The following AMBRA1 variants were observed in gnomAD, a reference collection of about 807,000 sequenced individuals.
AMBRA1 encodes the protein autophagy and beclin 1 regulator 1.
In AMBRA1, 47 loss-of-function variants were observed where a neutral mutation model predicts 125.4. That is an observed-to-expected ratio of 0.37 (90% CI 0.30 to 0.48). The LOEUF is 0.48. AMBRA1 is among the 20% of genes least tolerant of loss of function. The probability of loss-of-function intolerance (pLI) is 0.99; values close to 1 mark genes in which losing one functional copy is unlikely to be tolerated. For synonymous variants in AMBRA1, 626 were observed against 655.5 expected (o/e 0.95, Z 0.69); for missense variants, 1,331 against 1,693.4 (o/e 0.79, Z 3.76).
intron 9 of AMBRA1, among the ~76,000 whole-genome samples, chr11:46,496,427 C>A (rs1950633323): frequency 6.6e-6 from 1 of 152,046 alleles, no homozygotes; most frequent in Admixed American, 6.6e-5. Context: ...AGAAAAGAAG[C>A]ATCATGGGTC....
chr11:46,398,531 C>A (rs1945565052), intron 17 of AMBRA1, among the ~76,000 whole-genome samples: 2 of 152,208 alleles, frequency 1.3e-5, no homozygotes, highest in African/African-American at 4.8e-5. Flanking sequence ...TTCACCCAGG[C>A]TGGAGTGCAG....
chr11:46,543,270 G>C lies in AMBRA1; in HGVS notation c.747C>G (p.Ser249=), dbSNP rs1298701426. The part of the protein sequence containing the change: ...LLHNFLHMLS[S]RSSGIQVGEQ... Reference sequence around the variant, plus strand: ...CTCCCACCTGGATGCCAGAAGAGCGGGAGGACAGCATGTGCAGGAAATTGT... The same window carrying C: ...CTCCCACCTGGATGCCAGAAGAGCGCGAGGACAGCATGTGCAGGAAATTGT... Residue 249 remains serine (S), a synonymous_variant, in exon 7 of 18, where the codon TCC becomes TCG. Transcript: ENST00000683756. 5.0e-6 allele frequency: 8 copies of C among 1,614,060 alleles called. No individual in the cohort carries two copies. Among genetic ancestry groups the C allele is most frequent in the Non-Finnish European group, 6.8e-6 (8 of 1,180,004 alleles).
At chr11:46,492,922 A>G (rs1002152552) in intron 11 of AMBRA1, among the ~76,000 whole-genome samples, 8 of 152,018 alleles carry the variant, frequency 5.3e-5, no homozygotes, top group African/African-American at 1.9e-4. Context: ...GGTGGCGGGC[A>G]CCTGTAGTCC....
At chr11:46,487,889 G>C (rs755308351) in intron 11 of AMBRA1, among the ~76,000 whole-genome samples, 1 of 151,938 alleles carries the variant, frequency 6.6e-6, no homozygotes, top group African/African-American at 2.4e-5. Context: ...TAAAAAACAA[G>C]CTCCAATCAT....
At chr11:46,552,479 G>A (rs530452016) in intron 1 of AMBRA1, among the ~76,000 whole-genome samples, 1 of 139,762 alleles carries the variant, frequency 7.2e-6, no homozygotes, top group African/African-American at 2.7e-5. Context: ...AAGTTCAAGA[G>A]ATCGAGACCA....
chr11:46,492,936 C>G (rs1475798125), intron 11 of AMBRA1, among the ~76,000 whole-genome samples: 1 of 152,220 alleles, frequency 6.6e-6, no homozygotes, highest in Non-Finnish European at 1.5e-5. Flanking sequence ...GTAGTCCTAG[C>G]TACTCGGGAG....
At chr11:46,435,724 T>C (rs1341149744) in intron 12 of AMBRA1, among the ~76,000 whole-genome samples, 1 of 152,240 alleles carries the variant, frequency 6.6e-6, no homozygotes, top group Non-Finnish European at 1.5e-5. Flanking sequence ...GTCTGCACTT[T>C]GCAGCTCCTG....
At chr11:46,419,436 T>A (rs1370719127) in intron 14 of AMBRA1, among the ~76,000 whole-genome samples, 1 of 152,126 alleles carries the variant, frequency 6.6e-6, no homozygotes, top group East Asian at 1.9e-4. Flanking sequence ...AACACATACA[T>A]TCAAATAATT....
At chr11:46,585,003 T>C (rs188026258) in intron 1 of AMBRA1, among the ~76,000 whole-genome samples, 3 of 151,490 alleles carry the variant, frequency 2.0e-5, no homozygotes, top group East Asian at 2.0e-4. Context: ...ACCTGGGAGG[T>C]AGAGGTTGCT....
chr11:46,445,071 C>CAAAAAAAAAAAAAAAA (rs11386442), intron 11 of AMBRA1, among the ~76,000 whole-genome samples: 6 of 89,792 alleles, frequency 6.7e-5, no homozygotes, highest in Admixed American at 1.1e-4. Flanking sequence ...AAAAGAAAAA[C>CAAAAAAAAAAAAAAAA]AAAAAAAAAA....
At chr11:46,443,681 G>C in intron 11 of AMBRA1, 83 bp from the exon 12 acceptor site, 1 of 1,179,676 alleles carries the variant, frequency 8.5e-7, no homozygotes, top group African/African-American at 1.5e-5. Context: ...ACTGGGATTA[G>C]TAGTGGGGAG....
Position 46,494,169 on chromosome 11 carries a change from C to A in AMBRA1, c.2375G>T (p.Arg792Leu). The A allele has an allele frequency of 6.2e-7, 1 of 1,605,614 alleles. No homozygotes were observed. The highest frequency in any genetic ancestry group is 8.5e-7 in the Non-Finnish European group (1 of 1,175,782). ...CGAAGGTGCAGACATCCGGGCATTG[C>A]GTGGAGCTCGGTGCCTGGATCTGTC... is the stretch of plus-strand genomic sequence containing the variant. ...NGDRSRHRAPRNARMSAPSLG... is the reference protein window; with the variant it reads ...NGDRSRHRAPLNARMSAPSLG... Residue 792 changes from arginine to leucine, a missense_variant, in exon 10 of 18, where the codon CGC becomes CTC. Physicochemically the swap from Arg to Leu is moderately radical, Grantham distance 102. Around this residue, in one of 4 missense-constraint regions of AMBRA1, gnomAD observed 689 missense variants for 776.5 expected, o/e 0.89. Coordinates refer to ENST00000683756, the MANE Select transcript of AMBRA1 (RefSeq NM_001387011.1).
chr11:46,590,027 A>C (rs1431813414), intron 1 of AMBRA1, among the ~76,000 whole-genome samples: 5 of 152,136 alleles, frequency 3.3e-5, no homozygotes, highest in African/African-American at 1.2e-4. Flanking sequence ...TCAAAACAAA[A>C]GTTTTATAAG....
intron 9 of AMBRA1, among the ~76,000 whole-genome samples, chr11:46,498,518 C>T (rs1950720541): frequency 6.6e-6 from 1 of 152,082 alleles, no homozygotes; most frequent in African/African-American, 2.4e-5. Flanking sequence ...AAAAAAACAC[C>T]CTTCAAACAA....
chr11:46,496,070 C>T (rs1950618894), intron 9 of AMBRA1, among the ~76,000 whole-genome samples: 1 of 152,018 alleles, frequency 6.6e-6, no homozygotes, highest in Non-Finnish European at 1.5e-5. Flanking sequence ...ACTCTCATCT[C>T]TTTAAAGAAA....
At chr11:46,585,695 A>AATATATATATAT (rs1555017409) in intron 1 of AMBRA1, among the ~76,000 whole-genome samples, 403 of 22,844 alleles carry the variant, frequency 0.018, 18 homozygotes, top group Middle Eastern at 0.045. Context: ...AAAAAAAAAA[A>AATATATATATAT]ATATATATAT....
At chr11:46,406,894 A>C (rs1249594640) in intron 17 of AMBRA1, among the ~76,000 whole-genome samples, 3 of 140,108 alleles carry the variant, frequency 2.1e-5, no homozygotes, top group Admixed American at 1.5e-4. Context: ...AAAAATAAAA[A>C]AACAGGCCAG....
At chr11:46,473,833 G>A (rs1447442480) in intron 11 of AMBRA1, among the ~76,000 whole-genome samples, 2 of 152,292 alleles carry the variant, frequency 1.3e-5, no homozygotes, top group Non-Finnish European at 2.9e-5. Context: ...TGTATTTTTA[G>A]TGGAGACGGT....
intron 16 of AMBRA1, 109 bp from the exon 17 acceptor site, chr11:46,408,815 A>T: frequency 9.5e-7 from 1 of 1,054,640 alleles, no homozygotes; most frequent in Non-Finnish European, 1.3e-6. Context: ...CAGGCCCTGC[A>T]GGCTAAGAGA....
Sources: gnomAD v4.1 joint callset for allele counts (sites outside exome capture counted in the v4.1 genomes callset) on GRCh38, gnomAD v4.1.1 for gene constraint, gnomAD v4.1.1 regional missense constraint, MANE v1.5 for transcripts, NCBI Gene and HGNC (gene_info 2026-07-23, HGNC 2026-07-21) for gene names.